The following PCNX3 variants were observed in gnomAD, a reference collection of about 807,000 sequenced individuals.
PCNX3 encodes the protein pecanex-like protein 3.
A neutral mutation model predicts 207.2 loss-of-function variants in PCNX3; 58 were observed. That is an observed-to-expected ratio of 0.28 (90% confidence interval 0.23 to 0.35). The LOEUF is 0.35. PCNX3 is among the 10% of genes least tolerant of loss of function. The pLI is 1.00. For synonymous variants in PCNX3, 1,337 were observed against 1,183.5 expected, an observed-to-expected ratio of 1.13 and a Z score of -2.66; for missense variants, 2,410 against 2,774.4, an observed-to-expected ratio of 0.87 and a Z score of 2.95.
chr11:65,634,746 C>A, intron 29 of PCNX3, 105 bp downstream of exon 29: 1 of 1,246,164 alleles, frequency 8.0e-7, no homozygotes, highest in Non-Finnish European at 1.1e-6. Context: ...ACTGCAGTGG[C>A]CCTTCCTGTT....
At chr11:65,634,445 C>G in intron 28 of PCNX3, 89 bp downstream of exon 28, 1 of 1,506,686 alleles carries the variant, frequency 6.6e-7, no homozygotes, top group Non-Finnish European at 9.0e-7. Flanking sequence ...TCCTCTCACT[C>G]TGAGCCTCCC....
At chr11:65,620,018 C>A (rs1005635582) in intron 8 of PCNX3, 86 bp downstream of exon 8, 14 of 1,378,162 alleles carry the variant, frequency 1.0e-5, no homozygotes, top group Non-Finnish European at 1.4e-5. Context: ...GCTCGCTCGG[C>A]CCTGTGGCAG....
In PCNX3 at chr11:65,636,880, G is replaced by A; in HGVS notation, c.6007G>A (p.Glu2003Lys). The A allele has an allele frequency of 6.4e-7, 1 of 1,552,860 alleles. No individual in the cohort carries two copies. Among genetic ancestry groups the A allele is most frequent in the Non-Finnish European group, 8.7e-7 (1 of 1,148,072 alleles). Residue 2003 changes from glutamate to lysine, a missense_variant, in exon 35 of 35, where the codon GAG becomes AAG. Around this residue, in one of 8 missense-constraint regions of PCNX3, gnomAD observed 278 missense variants for 245.1 expected, o/e 1.13. Transcript: ENST00000355703. Reference sequence around the variant, plus strand: ...TCCTTGCTTGGACAGCAGTGCCCCTGAGAGTGGCACACCTATGGGTGCCCT... The same window carrying A: ...TCCTTGCTTGGACAGCAGTGCCCCTAAGAGTGGCACACCTATGGGTGCCCT... ...DIPCLDSSAPESGTPMGALGD... is the reference protein window; with the variant it reads ...DIPCLDSSAPKSGTPMGALGD...
Position 65,619,941 on chromosome 11 carries a change from T to C in PCNX3, c.2008+9T>C. On this transcript the variant is annotated intron_variant, in intron 8 of 34. Transcript: ENST00000355703. Reference sequence around the variant, plus strand: ...TTTCTACGATGAGAGCGGTGAGCCTTTCCCAAGCCCGGTGGCCCAGTGCCT... The same window carrying C: ...TTTCTACGATGAGAGCGGTGAGCCTCTCCCAAGCCCGGTGGCCCAGTGCCT... 2.5e-6 allele frequency: 4 copies of C among 1,591,694 alleles called. No homozygotes were observed. Among genetic ancestry groups the C allele is most frequent in the Non-Finnish European group, 3.4e-6 (4 of 1,165,212 alleles).
chr11:65,629,195 T>C (rs1476945812), intron 24 of PCNX3, among the ~76,000 whole-genome samples, 162 bp from the exon 25 acceptor site: 1 of 152,210 alleles, frequency 6.6e-6, no homozygotes, highest in Non-Finnish European at 1.5e-5. Context: ...CTGTGTGTCC[T>C]GTGTGAGTCC....
intron 8 of PCNX3, 113 bp from the exon 9 acceptor site, chr11:65,620,226 C>T: frequency 8.6e-7 from 1 of 1,159,530 alleles, no homozygotes; most frequent in South Asian, 1.6e-5. Context: ...GCTGCCCTCT[C>T]AGAGGACACA....
intron 6 of PCNX3, 100 bp downstream of exon 6, chr11:65,619,167 G>C (rs1243002387): frequency 9.8e-6 from 10 of 1,019,812 alleles, no homozygotes; most frequent in Admixed American, 2.3e-5. Flanking sequence ...TGTCAGCTCA[G>C]CCTCGGTTGT....
chr11:65,620,463 T>G, intron 9 of PCNX3, 34 bp downstream of exon 9: 1 of 1,600,468 alleles, frequency 6.2e-7, no homozygotes, highest in Non-Finnish European at 8.5e-7. Flanking sequence ...CAAGCCATTG[T>G]CTTGGTGGCC....
In PCNX3 at chr11:65,617,027, G is replaced by C; in HGVS notation, c.341+16G>C. The C allele has an allele frequency of 6.3e-7, 1 of 1,590,338 alleles. No individual in the cohort carries two copies. Among genetic ancestry groups the C allele is most frequent in the Non-Finnish European group, 8.6e-7 (1 of 1,168,480 alleles). ...ATCCACCCAGGTGGGTGGGGTAGGG[G>C]CTGTGCTGGGGATTGAGGGTTTTTG... On this transcript the variant is annotated intron_variant, in intron 2 of 34. Transcript: ENST00000355703.
In PCNX3 at chr11:65,619,803, C is replaced by G; in HGVS notation, c.1879C>G (p.Leu627Val). The G allele has an allele frequency of 6.3e-7, 1 of 1,593,326 alleles. No individual in the cohort carries two copies. The highest frequency in any genetic ancestry group is 8.5e-7 in the Non-Finnish European group (1 of 1,174,848). The change falls in exon 8 of 35, where the codon CTG becomes GTG. Residue 627 changes from leucine (L) to valine (V), a missense_variant. Leu to Val is a conservative substitution (Grantham distance 32). Coordinates refer to ENST00000355703, the MANE Select transcript of PCNX3 (RefSeq NM_032223.4). ...RGRAASHSRA[L>V]TLPSALHFAS... Reference sequence around the variant, plus strand: ...CCGGGCTGCCTCCCACTCCCGGGCGCTGACGCTGCCCTCTGCGCTGCATTT... The same window carrying G: ...CCGGGCTGCCTCCCACTCCCGGGCGGTGACGCTGCCCTCTGCGCTGCATTT...
intron 20 of PCNX3, 151 bp downstream of exon 20, chr11:65,626,205 C>G: frequency 1.8e-6 from 2 of 1,130,866 alleles, no homozygotes; most frequent in Admixed American, 2.0e-5. Context: ...CCTCTGTGTC[C>G]GTGTTGCCCG....
At chr11:65,620,743 C>G in intron 9 of PCNX3, 88 bp from the exon 10 acceptor site, 1 of 1,525,910 alleles carries the variant, frequency 6.6e-7, no homozygotes, top group Non-Finnish European at 8.8e-7. Context: ...ACAGACAGCC[C>G]TACCTGCCTG....
Position 65,616,873 on chromosome 11 carries a change from C to G in PCNX3, c.203C>G (p.Ala68Gly). 1.2e-6 allele frequency: 2 copies of G among 1,613,668 alleles called. No individual in the cohort carries two copies. Among genetic ancestry groups the G allele is most frequent in the Non-Finnish European group, 1.7e-6 (2 of 1,179,842 alleles). Reference protein sequence around the residue: ...MVAGVYCLVVAVIFATIKTVN... With the variant: ...MVAGVYCLVVGVIFATIKTVN... ...GCCGGCGTGTACTGCCTCGTGGTGG[C>G]TGTCATCTTTGCTACTATCAAGACT... is the stretch of plus-strand genomic sequence containing the variant. The change falls in exon 2 of 35, where the codon GCT (alanine) becomes GGT (glycine). Residue 68 changes from alanine (A) to glycine (G), a missense_variant. By Grantham distance (60) the Ala-to-Gly change is moderately conservative. Transcript: ENST00000355703.
chr11:65,637,048 AC>A lies in PCNX3; in HGVS notation c.*72del. The A allele has an allele frequency of 2.7e-6, 4 of 1,475,008 alleles. No individual in the cohort carries two copies. The highest frequency in any genetic ancestry group is 3.6e-6 in the Non-Finnish European group (4 of 1,096,892). The allele number at this position is 1,475,008 out of a possible 1,614,324, so 91.4% of individuals were successfully genotyped here. ...ACCTGCTCTGCTGCCTCTCTGCTGG[AC>A]CACAGAACTGAGTGGCTTTGGCCTA... On this transcript the variant is annotated 3_prime_UTR_variant, in exon 35 of 35. Transcript: ENST00000355703.
At chr11:65,634,075 C>G in intron 27 of PCNX3, 51 bp from the exon 28 acceptor site, 1 of 1,515,190 alleles carries the variant, frequency 6.6e-7, no homozygotes, top group Non-Finnish European at 9.0e-7. Context: ...GCTTTCTCCT[C>G]CAGTGGCCAG....
At chr11:65,626,411 G>A in intron 20 of PCNX3, 1 of 447,644 alleles carries the variant, frequency 2.2e-6, no homozygotes, top group South Asian at 1.9e-5. Flanking sequence ...TCTTCACTGG[G>A]CTGCATAATG....
intron 34 of PCNX3, 23 bp from the exon 35 acceptor site, chr11:65,636,743 C>A: frequency 6.5e-7 from 1 of 1,546,932 alleles, no homozygotes; most frequent in South Asian, 1.2e-5. Context: ...TGCTCACCCG[C>A]CAACCTCTCC....
intron 10 of PCNX3, among the ~76,000 whole-genome samples, chr11:65,621,519 C>T (rs1039404374): frequency 1.3e-5 from 2 of 152,242 alleles, no homozygotes; most frequent in Admixed American, 6.5e-5. Context: ...AAAGGGTACC[C>T]GGCACCTGAC....
At position 65,617,670 on chromosome 11, in the gene PCNX3, C is replaced by G. The variant is rs375117188; in HGVS notation, c.541C>G (p.Arg181Gly). Reference protein sequence around the residue: ...SNNVIVTSADREMLKLSSQEK... With the variant: ...SNNVIVTSADGEMLKLSSQEK... ...CAATGTGATCGTGACTTCTGCCGAC[C>G]GAGAGATGCTGAAGCTCAGCTCGCA... Residue 181 changes from arginine to glycine, a missense_variant, in exon 5 of 35, where the codon CGA becomes GGA. Physicochemically the swap from Arg to Gly is moderately radical, Grantham distance 125 (BLOSUM62 -2). Transcript: ENST00000355703. 1 of 1,584,536 alleles carries G rather than the reference C, an allele frequency of 6.3e-7. No homozygotes were observed. Among genetic ancestry groups the G allele is most frequent in the Admixed American group, 1.8e-5 (1 of 54,090 alleles).
Sources: gnomAD v4.1 joint callset for allele counts (sites outside exome capture counted in the v4.1 genomes callset) on GRCh38, gnomAD v4.1.1 for gene constraint, gnomAD v4.1.1 regional missense constraint, MANE v1.5 for transcripts, NCBI Gene and HGNC (gene_info 2026-07-23, HGNC 2026-07-21) for gene names.